SORCS3: variants seen among roughly 807,000 people sequenced by gnomAD.
The protein encoded by SORCS3 is sortilin related VPS10 domain containing receptor 3.
In SORCS3, 57 loss-of-function variants were observed where a neutral mutation model predicts 146.3. The observed-to-expected ratio is 0.39, with a 90% CI of 0.31 to 0.49. The LOEUF is 0.49. Among genes scored for constraint, SORCS3 ranks in the 20% least tolerant of loss-of-function variants. The probability of loss-of-function intolerance (pLI) is 0.92; values close to 1 mark genes in which losing one functional copy is unlikely to be tolerated. For synonymous variants in SORCS3, 653 were observed against 618.5 expected (o/e 1.06, Z -0.83); for missense variants, 1,341 against 1,575.5 (o/e 0.85, Z 2.52).
intron 3 of SORCS3, among the ~76,000 whole-genome samples, chr10:104,955,084 A>G (rs556114827): frequency 6.6e-6 from 1 of 152,318 alleles, no homozygotes; most frequent in East Asian, 1.9e-4. Flanking sequence ...CATTTAGTAC[A>G]TGCACAATGT....
chr10:104,750,031 GC>G (rs2016965030), intron 1 of SORCS3, among the ~76,000 whole-genome samples: 1 of 152,124 alleles, frequency 6.6e-6, no homozygotes, highest in Non-Finnish European at 1.5e-5. Context: ...CATTTTAAAA[GC>G]AATTTGTTTG....
chr10:105,031,442 T>C (rs1190961986), intron 4 of SORCS3, among the ~76,000 whole-genome samples: 1 of 152,186 alleles, frequency 6.6e-6, no homozygotes, highest in Non-Finnish European at 1.5e-5. Context: ...TCTAGAATTA[T>C]TGCTTTTGGA....
intron 1 of SORCS3, among the ~76,000 whole-genome samples, chr10:104,810,813 C>T (rs2017731890): frequency 6.6e-6 from 1 of 152,142 alleles, no homozygotes; most frequent in Non-Finnish European, 1.5e-5. Context: ...TGGAAACTTT[C>T]CTAGCAAATA....
intron 1 of SORCS3, among the ~76,000 whole-genome samples, chr10:104,840,670 A>G (rs1360177820): frequency 6.6e-6 from 1 of 152,210 alleles, no homozygotes; most frequent in Admixed American, 6.6e-5. Flanking sequence ...GAGTAAGGAG[A>G]AGGGTTTTCC....
intron 1 of SORCS3, among the ~76,000 whole-genome samples, chr10:104,761,894 G>C (rs943759856): frequency 6.6e-6 from 1 of 152,158 alleles, no homozygotes; most frequent in African/African-American, 2.4e-5. Flanking sequence ...GCCTGCTTTT[G>C]CCTGTTAATG....
chr10:105,242,692 A>G (rs1589706391), intron 20 of SORCS3, among the ~76,000 whole-genome samples: 2 of 105,426 alleles, frequency 1.9e-5, no homozygotes, highest in East Asian at 3.1e-4. Context: ...ATATACATTT[A>G]TATACATTTA....
rs114093213 is a variant in SORCS3 at position 104,648,916 on chromosome 10, C to T, written c.627+6962C>T. ...GCTTGGTTGAGATGAGAGGGACCTG[C>T]AGCAGAGTGGGGCCAGCAGGGTTCT... On this transcript the variant is annotated intron_variant, in intron 1 of 26. Transcript: ENST00000369701. Among the ~76,000 whole-genome samples the T allele has an allele frequency of 2.8e-3, 421 of 152,260 alleles. 1 individual carries two copies. Among genetic ancestry groups the T allele is most frequent in the African/African-American group, 9.9e-3 (412 of 41,532 alleles).
At chr10:104,822,985 G>A (rs1417415576) in intron 1 of SORCS3, among the ~76,000 whole-genome samples, 1 of 152,200 alleles carries the variant, frequency 6.6e-6, no homozygotes, top group Non-Finnish European at 1.5e-5. Flanking sequence ...AACTCAGGAA[G>A]TACATGCATT....
At chr10:104,731,065 T>G (rs1651060889) in intron 1 of SORCS3, among the ~76,000 whole-genome samples, 1 of 152,224 alleles carries the variant, frequency 6.6e-6, no homozygotes, top group Non-Finnish European at 1.5e-5. Context: ...GGGCAGGTAC[T>G]GAGTAGGGTT....
intron 1 of SORCS3, among the ~76,000 whole-genome samples, chr10:104,728,418 A>G (rs1031552403): frequency 6.6e-6 from 1 of 152,162 alleles, no homozygotes; most frequent in African/African-American, 2.4e-5. Context: ...CCTAGGCAAG[A>G]CTGAGAATTA....
chr10:104,738,952 A>G (rs990372929), intron 1 of SORCS3, among the ~76,000 whole-genome samples: 4 of 152,156 alleles, frequency 2.6e-5, no homozygotes, highest in Admixed American at 6.5e-5. Context: ...AGAGGAACCC[A>G]GGACATGAGC....
chr10:104,988,263 A>C (rs2054973828), intron 4 of SORCS3, among the ~76,000 whole-genome samples: 1 of 152,192 alleles, frequency 6.6e-6, no homozygotes. Context: ...ACAGAACCGC[A>C]TATGGGCCAC....
chr10:104,958,419 G>C (rs949082193), intron 3 of SORCS3, among the ~76,000 whole-genome samples: 2 of 152,172 alleles, frequency 1.3e-5, no homozygotes, highest in African/African-American at 4.8e-5. Flanking sequence ...CAGTTATATG[G>C]CAAGAGGGAA....
intron 20 of SORCS3, among the ~76,000 whole-genome samples, chr10:105,232,322 G>T (rs984966455): frequency 6.6e-6 from 1 of 151,972 alleles, no homozygotes; most frequent in African/African-American, 2.4e-5. Flanking sequence ...CAAAGTTGTG[G>T]CCATAGAAGT....
chr10:104,762,940 A>C (rs773061824), intron 1 of SORCS3, among the ~76,000 whole-genome samples: 68 of 152,190 alleles, frequency 4.5e-4, no homozygotes, highest in South Asian at 2.1e-3. Flanking sequence ...TAGTGCTCAG[A>C]CTCCATCCCC....
intron 2 of SORCS3, among the ~76,000 whole-genome samples, chr10:104,894,563 G>T (rs2018780341): frequency 6.6e-6 from 1 of 152,334 alleles, no homozygotes; most frequent in South Asian, 2.1e-4. Context: ...GAGTCTTAGA[G>T]AATCCCAGGC....
chr10:104,994,531 C>T lies in SORCS3; in HGVS notation c.954+17038C>T, dbSNP rs2133665973. 2.0e-5 allele frequency among the ~76,000 whole-genome samples: 3 copies of T among 152,290 alleles called. No homozygotes were observed. The Middle Eastern group carries it at 0.01, about 522-fold the overall frequency. Reference sequence around the variant, plus strand: ...TATGAATACACCCATGCAGTCATCACTACAGTCAAGAATCTGAGCAAATCC... The same window carrying T: ...TATGAATACACCCATGCAGTCATCATTACAGTCAAGAATCTGAGCAAATCC... On this transcript the variant is annotated intron_variant, in intron 4 of 26. Transcript: ENST00000369701.
At chr10:105,133,328 G>T (rs1342646491) in intron 7 of SORCS3, among the ~76,000 whole-genome samples, 2 of 152,168 alleles carry the variant, frequency 1.3e-5, no homozygotes, top group Non-Finnish European at 2.9e-5. Context: ...CCAACAATCT[G>T]TTATTCAGTA....
intron 4 of SORCS3, among the ~76,000 whole-genome samples, chr10:105,000,098 A>G (rs1474238347): frequency 6.6e-6 from 1 of 152,148 alleles, no homozygotes; most frequent in Non-Finnish European, 1.5e-5. Flanking sequence ...TGAACAAAAT[A>G]CAACAAAATT....
Sources: allele counts gnomAD v4.1 joint callset (sites outside exome capture counted in the v4.1 genomes callset), GRCh38; gene constraint gnomAD v4.1.1; transcripts MANE v1.5; gene names NCBI Gene and HGNC (gene_info 2026-07-23, HGNC 2026-07-21).